DOK6: variants seen among roughly 807,000 people sequenced by gnomAD.
DOK6 encodes docking protein 6, also known as downstream of tyrosine kinase 6.
Under a neutral mutation model 44.0 loss-of-function variants are expected in DOK6, and 22 were observed. The ratio of observed to expected loss-of-function variants is 0.50; its 90% CI spans 0.36 to 0.71. The LOEUF (loss-of-function observed/expected upper bound fraction) is 0.71, where lower values mean the gene tolerates loss of function less well. Among genes scored for constraint, DOK6 ranks in the 30% least tolerant of loss-of-function variants. The pLI is 0.00. For synonymous variants in DOK6, 166 were observed against 145.5 expected, an observed-to-expected ratio of 1.14 and a Z score of -1.01; for missense variants, 340 against 416.4, an observed-to-expected ratio of 0.82 and a Z score of 1.60.
chr18:69,605,035 A>G (rs1270738027), intron 3 of DOK6, among the ~76,000 whole-genome samples: 1 of 150,498 alleles, frequency 6.6e-6, no homozygotes, highest in African/African-American at 2.5e-5. Flanking sequence ...ATTTCAAAAA[A>G]TCCTTGTAGT....
At chr18:69,682,379 T>C (rs17081505) in intron 4 of DOK6, among the ~76,000 whole-genome samples, 4,689 of 152,308 alleles carry the variant, frequency 0.031, 127 homozygotes, top group African/African-American at 0.069. Context: ...AGATCTTCGT[T>C]GTTCAGGCAC....
intron 2 of DOK6, among the ~76,000 whole-genome samples, chr18:69,581,219 C>G (rs1460519617): frequency 6.6e-6 from 1 of 152,050 alleles, no homozygotes; most frequent in Non-Finnish European, 1.5e-5. Flanking sequence ...GAATTCTGCC[C>G]ACCACCAATA....
intron 6 of DOK6, among the ~76,000 whole-genome samples, chr18:69,740,436 G>A (rs916059721): frequency 3.9e-5 from 6 of 152,028 alleles, no homozygotes; most frequent in African/African-American, 1.2e-4. Context: ...TTTACCATGG[G>A]GCTAACCATG....
chr18:69,498,683 A>T (rs1182570285), intron 1 of DOK6, among the ~76,000 whole-genome samples: 1 of 152,108 alleles, frequency 6.6e-6, no homozygotes, highest in Non-Finnish European at 1.5e-5. Flanking sequence ...TTTGGGGTGA[A>T]TTGGTTTAAG....
At chr18:69,626,389 GA>G (rs1262578298) in intron 3 of DOK6, among the ~76,000 whole-genome samples, 2 of 152,092 alleles carry the variant, frequency 1.3e-5, no homozygotes, top group East Asian at 3.8e-4. Flanking sequence ...CCAGAGAAAA[GA>G]ATATATTCAC....
At chr18:69,509,637 CAAAA>C (rs1183367298) in intron 1 of DOK6, among the ~76,000 whole-genome samples, 1 of 33,990 alleles carries the variant, frequency 2.9e-5, no homozygotes, top group Non-Finnish European at 5.3e-5. Flanking sequence ...GGCTCTGTCT[CAAAA>C]AAAAAAAAAA....
intron 3 of DOK6, among the ~76,000 whole-genome samples, chr18:69,630,902 T>C (rs1395049391): frequency 6.6e-6 from 1 of 152,164 alleles, no homozygotes; most frequent in Non-Finnish European, 1.5e-5. Context: ...TACTTCAGGC[T>C]ATAAAAAGTA....
At position 69,645,049 on chromosome 18, in the gene DOK6, C is replaced by T. The variant is rs113777049; in HGVS notation, c.290-32685C>T. On this transcript the variant is annotated intron_variant, in intron 3 of 7. Transcript: ENST00000382713. The stretch of plus-strand genomic sequence containing the variant: ...TGCATACCTTTGATTCTCAAAGATA[C>T]GCAATCTTTGTGTTGTATATCAACC... Among the ~76,000 whole-genome samples, 151 of 152,272 alleles carry T rather than the reference C, an allele frequency of 9.9e-4. 1 individual carries two copies. Among genetic ancestry groups the T allele is most frequent in the African/African-American group, 3.3e-3 (136 of 41,568 alleles).
intron 3 of DOK6, among the ~76,000 whole-genome samples, chr18:69,626,294 T>C (rs1210721848): frequency 6.6e-6 from 1 of 152,210 alleles, no homozygotes; most frequent in Non-Finnish European, 1.5e-5. Flanking sequence ...AAGCCAGAGT[T>C]GTATTTCATG....
chr18:69,615,408 C>A (rs1229353692), intron 3 of DOK6, among the ~76,000 whole-genome samples: 5 of 152,174 alleles, frequency 3.3e-5, no homozygotes, highest in African/African-American at 1.2e-4. Flanking sequence ...AAAGCTGGAA[C>A]AACTTATATT....
At chr18:69,538,356 T>G (rs1982176855) in intron 1 of DOK6, among the ~76,000 whole-genome samples, 1 of 152,156 alleles carries the variant, frequency 6.6e-6, no homozygotes. Flanking sequence ...AATTTAAAAG[T>G]TTGGGTGCCT....
chr18:69,647,557 G>A (rs1985115938), intron 3 of DOK6: 1 of 152,148 alleles, frequency 6.6e-6, no homozygotes, highest in South Asian at 2.1e-4. Flanking sequence ...AAGGTACTCA[G>A]TCCTTAAAGA....
intron 1 of DOK6, among the ~76,000 whole-genome samples, chr18:69,554,920 A>T (rs1478346836): frequency 1.3e-5 from 2 of 152,154 alleles, no homozygotes; most frequent in Non-Finnish European, 2.9e-5. Context: ...TTGGCCATTT[A>T]TACAGCTCCT....
chr18:69,470,578 C>T (rs1023476320), intron 1 of DOK6, among the ~76,000 whole-genome samples: 1 of 152,098 alleles, frequency 6.6e-6, no homozygotes, highest in African/African-American at 2.4e-5. Flanking sequence ...CCCCAGGAGA[C>T]TCACTCATTG....
intron 5 of DOK6, among the ~76,000 whole-genome samples, chr18:69,698,966 G>T (rs1453600320): frequency 6.6e-6 from 1 of 152,010 alleles, no homozygotes; most frequent in Non-Finnish European, 1.5e-5. Flanking sequence ...TGCTTGCATT[G>T]TTTTTGTGAG....
At chr18:69,832,696 T>C (rs1981937010) in intron 7 of DOK6, 1 of 152,140 alleles carries the variant, frequency 6.6e-6, no homozygotes. Context: ...TCATTATTCA[T>C]TATGGCCTGT....
chr18:69,448,723 GATT>G (rs1568261425), intron 1 of DOK6, among the ~76,000 whole-genome samples: 2 of 152,068 alleles, frequency 1.3e-5, no homozygotes, highest in Non-Finnish European at 2.9e-5. Flanking sequence ...CTTAATGAGA[GATT>G]ATTAATTTTT....
intron 5 of DOK6, among the ~76,000 whole-genome samples, chr18:69,735,709 C>T (rs145592817): frequency 5.5e-4 from 83 of 152,290 alleles, no homozygotes; most frequent in African/African-American, 1.9e-3. Flanking sequence ...CAGGCATCCC[C>T]GCTAGGCTGT....
intron 7 of DOK6, among the ~76,000 whole-genome samples, chr18:69,807,932 CT>C (rs754941250): frequency 6.6e-6 from 1 of 151,594 alleles, no homozygotes; most frequent in African/African-American, 2.4e-5. Flanking sequence ...TAAACTATAC[CT>C]TAGACCAAAT....
Sources: gnomAD v4.1 joint callset for allele counts (sites outside exome capture counted in the v4.1 genomes callset) on GRCh38, gnomAD v4.1.1 for gene constraint, MANE v1.5 for transcripts, NCBI Gene and HGNC (gene_info 2026-07-23, HGNC 2026-07-21) for gene names.